Variants in TRMT11 observed in about 807,000 individuals in gnomAD.
TRMT11 encodes tRNA methyltransferase 11, also known as tRNA (guanine(10)-N(2))-methyltransferase TRMT11.
In TRMT11, 53 loss-of-function variants were observed where a neutral mutation model predicts 62.8. That is an observed-to-expected ratio of 0.84 (90% confidence interval 0.68 to 1.06). The LOEUF (loss-of-function observed/expected upper bound fraction) is 1.06, where lower values mean the gene tolerates loss of function less well. Ranked by LOEUF, TRMT11 falls within the 50% of genes least tolerant of loss-of-function variation. The pLI is 0.00. For synonymous variants in TRMT11, 188 were observed against 190.3 expected (o/e 0.99, Z 0.10); for missense variants, 556 against 553.4 (o/e 1.00, Z -0.05).
At chr6:126,053,671 G>A (rs574747435) in intron 17 of TRMT11, among the ~76,000 whole-genome samples, 2 of 152,260 alleles carry the variant, frequency 1.3e-5, no homozygotes, top group East Asian at 3.9e-4. Context: ...GAACGACCCT[G>A]GTCCTTCCCC....
At chr6:126,239,437 TA>T in the TRMT11 span, among the ~76,000 whole-genome samples, 1 of 152,174 alleles carries the variant, frequency 6.6e-6, no homozygotes, top group Non-Finnish European at 1.5e-5. Context: ...TGCTTGTCTA[TA>T]AAGTATTTTA....
intron 16 of TRMT11, among the ~76,000 whole-genome samples, chr6:126,050,684 G>A (rs7744390): frequency 0.077 from 11,705 of 151,568 alleles, 1,433 homozygotes; most frequent in African/African-American, 0.26. Context: ...GGGTGACACA[G>A]TGAGATGTGG....
chr6:126,057,211 C>T (rs1776397857), intron 17 of TRMT11, among the ~76,000 whole-genome samples: 1 of 152,214 alleles, frequency 6.6e-6, no homozygotes, highest in African/African-American at 2.4e-5. Context: ...CGGCTCTCCT[C>T]TCTTCCTCTT....
chr6:126,256,058 T>C, the TRMT11 span, among the ~76,000 whole-genome samples: 1 of 152,212 alleles, frequency 6.6e-6, no homozygotes, highest in South Asian at 2.1e-4. Context: ...AAGTTTTAAC[T>C]AGACTGGAGG....
At chr6:126,193,751 C>G (rs552326524) in intron 1 of TRMT11, among the ~76,000 whole-genome samples, 4 of 152,082 alleles carry the variant, frequency 2.6e-5, no homozygotes, top group Admixed American at 2.6e-4. Flanking sequence ...CCTCAGCCTC[C>G]CAAAGTGCTG....
At chr6:126,073,455 C>CT (rs561136763) in intron 17 of TRMT11, among the ~76,000 whole-genome samples, 2,767 of 149,152 alleles carry the variant, frequency 0.019, 34 homozygotes, top group Non-Finnish European at 0.03. Flanking sequence ...GGGAAAATTA[C>CT]TTTTTTTTTT....
At chr6:126,144,972 TTC>T (rs1339310761) in intron 21 of TRMT11, among the ~76,000 whole-genome samples, 1 of 152,150 alleles carries the variant, frequency 6.6e-6, no homozygotes, top group African/African-American at 2.4e-5. Flanking sequence ...ATGATCACCT[TTC>T]CATGCCAATA....
chr6:126,096,924 G>T lies in TRMT11; in HGVS notation c.*1438-15942G>T, dbSNP rs541008481. Among the ~76,000 whole-genome samples the T allele has an allele frequency of 2.0e-5, 3 of 152,252 alleles. No individual in the cohort carries two copies. In the East Asian group the frequency reaches 5.8e-4, roughly 29 times the overall value. On this transcript the variant is annotated intron_variant and NMD_transcript_variant, in intron 17 of 22. Coordinates refer to the TRMT11 transcript ENST00000648977. The stretch of plus-strand genomic sequence containing the variant: ...CAGAAATGAGAAGGACCAAAATTTG[G>T]AGAACAGAATTTAAGGCAGTGAGTC...
At chr6:126,239,720 C>G in the TRMT11 span, among the ~76,000 whole-genome samples, 1 of 152,082 alleles carries the variant, frequency 6.6e-6, no homozygotes, top group Non-Finnish European at 1.5e-5. Context: ...ATCTTTGTGG[C>G]ATTCTCTGTA....
At chr6:126,222,621 C>G in the TRMT11 span, among the ~76,000 whole-genome samples, 2 of 151,832 alleles carry the variant, frequency 1.3e-5, no homozygotes, top group African/African-American at 4.8e-5. Flanking sequence ...ATTTGTCTCT[C>G]AACTTGGACT....
the TRMT11 span, among the ~76,000 whole-genome samples, chr6:126,229,594 A>G: frequency 2.0e-5 from 3 of 152,228 alleles, no homozygotes; most frequent in South Asian, 6.2e-4. Flanking sequence ...CTTGAAGTAC[A>G]AAAGATTTTC....
At chr6:126,069,859 T>G (rs1476260450) in intron 17 of TRMT11, among the ~76,000 whole-genome samples, 7 of 152,056 alleles carry the variant, frequency 4.6e-5, no homozygotes, top group Non-Finnish European at 1.0e-4. Context: ...ATGAAGGTTT[T>G]TTTTTTTTTT....
chr6:126,051,692 A>G (rs1222617742), intron 16 of TRMT11, among the ~76,000 whole-genome samples: 2 of 152,174 alleles, frequency 1.3e-5, no homozygotes, highest in African/African-American at 2.4e-5. Context: ...ATGAGGAGTC[A>G]GGGATGATAT....
chr6:126,012,365 A>G (rs1163646820), intron 9 of TRMT11, among the ~76,000 whole-genome samples: 1 of 152,164 alleles, frequency 6.6e-6, no homozygotes, highest in African/African-American at 2.4e-5. Context: ...TCTCTTAGCA[A>G]AAATACAGTT....
intron 7 of TRMT11, chr6:126,006,859 G>C (rs1452835204): frequency 6.6e-6 from 1 of 151,890 alleles, no homozygotes; most frequent in Non-Finnish European, 1.5e-5. Flanking sequence ...CTTGTAAATT[G>C]GGTCTTCTCA....
the TRMT11 span, among the ~76,000 whole-genome samples, chr6:126,222,592 G>A: frequency 2.0e-5 from 3 of 151,602 alleles, no homozygotes; most frequent in African/African-American, 7.3e-5. Flanking sequence ...TGGCTATCGT[G>A]AATGGGATTC....
chr6:126,143,241 A>G (rs1325445113), intron 21 of TRMT11, among the ~76,000 whole-genome samples: 1 of 152,128 alleles, frequency 6.6e-6, no homozygotes, highest in African/African-American at 2.4e-5. Flanking sequence ...ATTGTGGGTC[A>G]CTGAAAGGCC....
chr6:126,226,671 T>G, the TRMT11 span, among the ~76,000 whole-genome samples: 16 of 152,230 alleles, frequency 1.1e-4, no homozygotes, highest in Non-Finnish European at 2.2e-4. Flanking sequence ...AATAAAACAT[T>G]AATATTGAAG....
At chr6:126,097,270 C>T (rs1438681744) in intron 17 of TRMT11, among the ~76,000 whole-genome samples, 2 of 152,154 alleles carry the variant, frequency 1.3e-5, no homozygotes, top group East Asian at 3.8e-4. Context: ...GCCTCAGCCA[C>T]TCTGTTTATC....
Sources: gnomAD v4.1 joint callset for allele counts (sites outside exome capture counted in the v4.1 genomes callset) on GRCh38, gnomAD v4.1.1 for gene constraint, MANE v1.5 for transcripts, NCBI Gene and HGNC (gene_info 2026-07-23, HGNC 2026-07-21) for gene names.